NTRK2: variants seen among roughly 807,000 people sequenced by gnomAD.
The protein encoded by NTRK2 is neurotrophic receptor tyrosine kinase 2, also known as BDNF/NT-3 growth factors receptor.
NTRK2 carries 13 observed loss-of-function variants against 94.5 expected under a neutral mutation model. The ratio of observed to expected loss-of-function variants is 0.14; its 90% CI spans 0.09 to 0.22. NTRK2 has a LOEUF of 0.22. NTRK2 is among the 10% of genes least tolerant of loss of function. The pLI, the probability that NTRK2 is intolerant of heterozygous loss-of-function variation, is 1.00. For missense variants in NTRK2, 639 were observed against 1,071.2 expected (o/e 0.60, Z 5.63); for synonymous variants, 372 against 407.4 (o/e 0.91, Z 1.05).
chr9:84,937,260 T>C (rs1032175462), intron 15 of NTRK2, among the ~76,000 whole-genome samples: 5 of 152,186 alleles, frequency 3.3e-5, no homozygotes, highest in African/African-American at 4.8e-5. Flanking sequence ...TCCTCTTCCA[T>C]TGGAGACACC....
At chr9:84,951,149 T>G (rs1465119752) in intron 16 of NTRK2, among the ~76,000 whole-genome samples, 7 of 152,208 alleles carry the variant, frequency 4.6e-5, no homozygotes, top group Non-Finnish European at 7.3e-5. Flanking sequence ...TTAATTCTTC[T>G]TTGCTGGGCT....
intron 14 of NTRK2, among the ~76,000 whole-genome samples, chr9:84,897,222 C>T (rs201012550): frequency 1.4e-4 from 21 of 152,216 alleles, no homozygotes; most frequent in African/African-American, 4.8e-4. Flanking sequence ...CTGCAACGTC[C>T]GACTCCCTAT....
intron 14 of NTRK2, among the ~76,000 whole-genome samples, chr9:84,925,619 G>T (rs1189624031): frequency 2.0e-5 from 3 of 152,132 alleles, no homozygotes; most frequent in Non-Finnish European, 4.4e-5. Flanking sequence ...AGCTTCTGTG[G>T]CTGGGGACAG....
At position 84,816,026 on chromosome 9, in the gene NTRK2, A is replaced by T. The variant is rs573993637; in HGVS notation, c.1397-45014A>T. Among the ~76,000 whole-genome samples the T allele has an allele frequency of 2.6e-5, 4 of 151,516 alleles. No individual in the cohort carries two copies. The East Asian group carries it at 5.8e-4, about 22-fold the overall frequency. ...AAAAAAACTTATGCGAATTTTTTTTAAAAACCCTAAATTCTATGGCAAAGC... is the reference window on the plus strand; with the variant it reads ...AAAAAAACTTATGCGAATTTTTTTTTAAAACCCTAAATTCTATGGCAAAGC... On this transcript the variant is annotated intron_variant, in intron 12 of 18. Transcript: ENST00000277120.
intron 12 of NTRK2, among the ~76,000 whole-genome samples, chr9:84,858,549 G>T (rs1587706246): frequency 6.6e-6 from 1 of 151,238 alleles, no homozygotes; most frequent in East Asian, 2.0e-4. Context: ...CCCATTCTTG[G>T]CTAATTCTAA....
intron 12 of NTRK2, among the ~76,000 whole-genome samples, chr9:84,849,495 T>C (rs781374133): frequency 3.3e-5 from 5 of 152,188 alleles, no homozygotes; most frequent in African/African-American, 7.2e-5. Context: ...TGGTTCTCAA[T>C]TGAAGAATGC....
intron 6 of NTRK2, among the ~76,000 whole-genome samples, chr9:84,712,888 G>A (rs1483868962): frequency 1.3e-5 from 2 of 152,102 alleles, no homozygotes; most frequent in African/African-American, 4.8e-5. Flanking sequence ...CGAGCATTTT[G>A]CTTATTTTCC....
Position 84,700,874 on chromosome 9 carries a change from G to A in NTRK2, c.213-1285G>A, listed in dbSNP as rs529792208. Among the ~76,000 whole-genome samples, 7 of 152,244 alleles carry A rather than the reference G, an allele frequency of 4.6e-5. No homozygotes were observed. The East Asian group carries it at 9.7e-4, about 21-fold the overall frequency. On this transcript the variant is annotated intron_variant, in intron 2 of 18. Transcript: ENST00000277120. ...TGGCATAATTTCTTGTAATGCCTTT[G>A]TAACTCCAAGTGCAGTTCATCTTTT...
rs193004501 is a variant in NTRK2, at chr9:84,872,426, A to T, written c.1633+4995A>T. The T allele has an allele frequency of 3.5e-5, 38 of 1,076,136 alleles. No individual in the cohort carries two copies. In the East Asian group the frequency reaches 7.1e-4, roughly 20 times the overall value. The allele number at this position is 1,076,136 out of a possible 1,614,324, so 66.7% of individuals were successfully genotyped here. A position where few individuals can be genotyped will look rare whatever the true frequency, so the allele number is the denominator to read the frequency against. Reference sequence around the variant, plus strand: ...AAACACTATAGATGTCCTCCCTAAAATTCTGTCTTCCCTAGAGCAGCCTTG... The same window carrying T: ...AAACACTATAGATGTCCTCCCTAAATTTCTGTCTTCCCTAGAGCAGCCTTG... On this transcript the variant is annotated intron_variant, in intron 14 of 18. Coordinates refer to ENST00000277120, the MANE Select transcript of NTRK2 (RefSeq NM_006180.6).
At position 84,872,327 on chromosome 9, in the gene NTRK2, A is replaced by C. The variant is rs973592341; in HGVS notation, c.1633+4896A>C. The C allele has an allele frequency of 8.1e-6, 9 of 1,104,400 alleles. No homozygotes were observed. In the South Asian group the frequency reaches 2.7e-4, roughly 33 times the overall value. The allele number at this position is 1,104,400 out of a possible 1,614,324, so 68.4% of individuals were successfully genotyped here. On this transcript the variant is annotated intron_variant, in intron 14 of 18. Transcript: ENST00000277120. Reference sequence around the variant, plus strand: ...CAAACAGAAACAAAACATACTAACCAGCAAAATCCCCAAATCATCAATCTT... The same window carrying C: ...CAAACAGAAACAAAACATACTAACCCGCAAAATCCCCAAATCATCAATCTT...
At chr9:84,780,068 G>A (rs1415286177) in intron 12 of NTRK2, among the ~76,000 whole-genome samples, 1 of 151,708 alleles carries the variant, frequency 6.6e-6, no homozygotes, top group Non-Finnish European at 1.5e-5. Flanking sequence ...TAAAAATCTG[G>A]TTTTGATTAT....
chr9:84,901,101 C>T (rs1489115976), intron 14 of NTRK2, among the ~76,000 whole-genome samples: 4 of 152,110 alleles, frequency 2.6e-5, no homozygotes, highest in Admixed American at 2.6e-4. Context: ...TTTTCCCCAG[C>T]AGATAACTCA....
intron 12 of NTRK2, chr9:84,812,032 A>G: frequency 2.8e-6 from 3 of 1,057,708 alleles, no homozygotes; most frequent in Non-Finnish European, 3.4e-6. Context: ...CCATAGCTGG[A>G]TTGGAAACAT....
At chr9:84,690,490 A>G (rs1400461876) in intron 2 of NTRK2, among the ~76,000 whole-genome samples, 3 of 152,110 alleles carry the variant, frequency 2.0e-5, no homozygotes, top group Non-Finnish European at 4.4e-5. Flanking sequence ...TGGGAAATGT[A>G]TTGGCTTGAA....
At chr9:84,737,234 C>A (rs2063323974) in intron 9 of NTRK2, among the ~76,000 whole-genome samples, 1 of 152,140 alleles carries the variant, frequency 6.6e-6, no homozygotes, top group East Asian at 1.9e-4. Flanking sequence ...GGAAAATGAA[C>A]CCTACTGTCA....
intron 14 of NTRK2, 34 bp from the exon 15 acceptor site, chr9:84,934,128 C>T (rs1351820975): frequency 3.1e-6 from 5 of 1,612,910 alleles, no homozygotes; most frequent in Non-Finnish European, 4.2e-6. Context: ...CCACATGCTT[C>T]AATTCCAATT....
chr9:84,812,446 A>C (rs201531429), intron 12 of NTRK2: 7 of 1,053,154 alleles, frequency 6.6e-6, no homozygotes, highest in Non-Finnish European at 8.0e-6. Flanking sequence ...CTGGCCCCCA[A>C]TGTGGGGAGG....
At chr9:84,742,467 T>TA (rs1190669455) in intron 10 of NTRK2, among the ~76,000 whole-genome samples, 2 of 152,174 alleles carry the variant, frequency 1.3e-5, no homozygotes, top group Admixed American at 6.5e-5. Context: ...CCCTTGTGGT[T>TA]ACAAGAGAAT....
chr9:84,684,463 T>C (rs1277114822), intron 2 of NTRK2, among the ~76,000 whole-genome samples: 2 of 152,208 alleles, frequency 1.3e-5, no homozygotes, highest in Non-Finnish European at 2.9e-5. Flanking sequence ...CCTTTCCCCA[T>C]TGCTTGTTTT....
Sources: gnomAD v4.1 joint callset for allele counts (sites outside exome capture counted in the v4.1 genomes callset) on GRCh38, gnomAD v4.1.1 for gene constraint, MANE v1.5 for transcripts, NCBI Gene and HGNC (gene_info 2026-07-23, HGNC 2026-07-21) for gene names.